NIBAN2: variants seen among roughly 807,000 people sequenced by gnomAD.
NIBAN2 encodes the protein protein Niban 2.
A neutral mutation model predicts 81.8 loss-of-function variants in NIBAN2; 36 were observed. That is an observed-to-expected ratio of 0.44 (90% confidence interval 0.34 to 0.58). The LOEUF (loss-of-function observed/expected upper bound fraction) is 0.58, where lower values mean the gene tolerates loss of function less well. NIBAN2 is among the 20% of genes least tolerant of loss of function. The pLI is 0.02. For missense variants in NIBAN2, 897 were observed against 1,014.1 expected, an observed-to-expected ratio of 0.88 and a Z score of 1.57; for synonymous variants, 445 against 441.6, an observed-to-expected ratio of 1.01 and a Z score of -0.10.
Position 127,506,802 on chromosome 9 carries a change from G to A in NIBAN2, c.*43C>T, listed in dbSNP as rs763989330. ...GAGCTGAGCCTGCCTGGGTCCGGAA[G>A]GGAACGGCCTGTGCCATGTGCAGCA... On this transcript the variant is annotated 3_prime_UTR_variant, in exon 14 of 14. Transcript: ENST00000373312. The A allele has an allele frequency of 2.3e-5, 35 of 1,522,620 alleles. No homozygotes were observed. The highest frequency in any genetic ancestry group is 2.9e-5 in the Non-Finnish European group (33 of 1,126,252). The allele number at this position is 1,522,620 out of a possible 1,614,324, so 94.3% of individuals were successfully genotyped here. A position where few individuals can be genotyped will look rare whatever the true frequency, so the allele number is the denominator to read the frequency against.
At chr9:127,566,234 C>T (rs1174533160) in intron 1 of NIBAN2, among the ~76,000 whole-genome samples, 1 of 152,222 alleles carries the variant, frequency 6.6e-6, no homozygotes, top group East Asian at 1.9e-4. Context: ...GATTGTTAGG[C>T]CCTCAGAGCT....
rs867930561 is a variant in NIBAN2 at position 127,569,001 on chromosome 9, T to C, written c.-127A>G. 7 of 400,426 alleles carry C rather than the reference T, an allele frequency of 1.7e-5. No homozygotes were observed. The East Asian group carries it at 7.8e-4, about 45-fold the overall frequency. 24.8% of individuals were successfully genotyped at this position (400,426 alleles called of 1,614,324 possible). Reference sequence around the variant, plus strand: ...CCCCCGCTCCCGCCGCTCCCGCCGCTCCCGCCGCCCGGCTGCGGCTTCCGC... The same window carrying C: ...CCCCCGCTCCCGCCGCTCCCGCCGCCCCCGCCGCCCGGCTGCGGCTTCCGC... On this transcript the variant is annotated 5_prime_UTR_variant, in exon 1 of 14. Coordinates refer to ENST00000373312, the MANE Select transcript of NIBAN2 (RefSeq NM_022833.4).
chr9:127,568,273 C>A (rs1347752127), intron 1 of NIBAN2, among the ~76,000 whole-genome samples: 1 of 152,200 alleles, frequency 6.6e-6, no homozygotes, highest in Non-Finnish European at 1.5e-5. Context: ...GCCTCCGGGG[C>A]GCCCCATCGA....
intron 8 of NIBAN2, among the ~76,000 whole-genome samples, chr9:127,515,552 A>ACC (rs1836814472): frequency 9.2e-6 from 1 of 108,642 alleles, no homozygotes; most frequent in African/African-American, 3.4e-5. Flanking sequence ...AACAAAAAAA[A>ACC]CAGGCCAGGC....
intron 1 of NIBAN2, among the ~76,000 whole-genome samples, chr9:127,567,823 T>C (rs2132242097): frequency 6.6e-6 from 1 of 152,210 alleles, no homozygotes; most frequent in Middle Eastern, 3.4e-3. Context: ...CACGTAAGCC[T>C]CCCAACAACT....
At chr9:127,576,627 A>C (rs769929579) in intron 1 of NIBAN2, among the ~76,000 whole-genome samples, 36 of 152,044 alleles carry the variant, frequency 2.4e-4, no homozygotes, top group Non-Finnish European at 4.9e-4. Flanking sequence ...AGAGATGAGG[A>C]TGAGATCAGG....
chr9:127,521,578 G>C (rs111711712), intron 5 of NIBAN2, among the ~76,000 whole-genome samples: 21 of 150,628 alleles, frequency 1.4e-4, no homozygotes, highest in African/African-American at 4.6e-4. Flanking sequence ...AGCCCCCGGA[G>C]TGAGCAATTC....
At chr9:127,549,286 C>T (rs1837529259) in intron 1 of NIBAN2, among the ~76,000 whole-genome samples, 1 of 152,184 alleles carries the variant, frequency 6.6e-6, no homozygotes, top group East Asian at 1.9e-4. Flanking sequence ...TGCCTCGTGA[C>T]CCCTGCTCAC....
intron 2 of NIBAN2, among the ~76,000 whole-genome samples, chr9:127,529,495 C>T (rs921635682): frequency 3.9e-5 from 6 of 152,056 alleles, no homozygotes; most frequent in Non-Finnish European, 8.8e-5. Context: ...AAAAAATTAG[C>T]GGGGTGTGGT....
At chr9:127,569,209 C>T, upstream of NIBAN2, 1 of 520,172 alleles carries the variant, frequency 1.9e-6, no homozygotes. Flanking sequence ...CCGCCCCGCC[C>T]CGCCCTCGGT....
intron 3 of NIBAN2, among the ~76,000 whole-genome samples, chr9:127,526,149 C>T (rs1013310938): frequency 6.6e-6 from 1 of 151,996 alleles, no homozygotes; most frequent in Non-Finnish European, 1.5e-5. Flanking sequence ...CGCCTGTAAT[C>T]GCAGCACTTT....
chr9:127,574,117 G>C (rs977253883), intron 1 of NIBAN2, among the ~76,000 whole-genome samples: 1 of 152,220 alleles, frequency 6.6e-6, no homozygotes, highest in South Asian at 2.1e-4. Flanking sequence ...TCTGGACGCT[G>C]TCTCTATTCA....
chr9:127,517,246 G>C lies in NIBAN2; in HGVS notation c.706-30C>G. On this transcript the variant is annotated intron_variant, in intron 6 of 13. Transcript: ENST00000373312. The surrounding 1 kb of genome is among the most constrained non-coding windows in gnomAD (Gnocchi z 4.0). Reference sequence around the variant, plus strand: ...GTTGAGGAGGCACAAGCCAGGCCAGGGGCTGGAGAGCGCTCAGCTGGCCTG... The same window carrying C: ...GTTGAGGAGGCACAAGCCAGGCCAGCGGCTGGAGAGCGCTCAGCTGGCCTG... The C allele has an allele frequency of 6.3e-7, 1 of 1,591,470 alleles. No individual in the cohort carries two copies. Among genetic ancestry groups the C allele is most frequent in the East Asian group, 2.2e-5 (1 of 44,676 alleles).
Position 127,508,569 on chromosome 9 carries a change from C to T in NIBAN2, c.1318-31G>A. 6.4e-7 allele frequency: 1 copy of T among 1,568,006 alleles called. No individual in the cohort carries two copies. Among genetic ancestry groups the T allele is most frequent in the South Asian group, 1.1e-5 (1 of 90,194 alleles). On this transcript the variant is annotated intron_variant, in intron 10 of 13. Coordinates refer to ENST00000373312, the MANE Select transcript of NIBAN2 (RefSeq NM_022833.4). The surrounding 1 kb of genome is among the most constrained non-coding windows in gnomAD (Gnocchi z 6.4). ...GGGCATACCGCGGACATGTGAAGCC[C>T]CCAGGGTGACCACAGCCCCTTCCTG...
At chr9:127,515,947 G>A (rs1836821819) in intron 8 of NIBAN2, among the ~76,000 whole-genome samples, 1 of 152,078 alleles carries the variant, frequency 6.6e-6, no homozygotes, top group Non-Finnish European at 1.5e-5. Context: ...AGACCAGCCT[G>A]GGCAACATGG....
In NIBAN2 at chr9:127,545,583, TG is replaced by T. The variant is rs1266974523; in HGVS notation, c.56-13806del. ...AGGCCCAACAGAGCCAGGAGTCAGC[TG>T]GGGTTTTTCACAAGGCTGCCTTGAA... On this transcript the variant is annotated intron_variant, in intron 1 of 13. Coordinates refer to ENST00000373312, the MANE Select transcript of NIBAN2 (RefSeq NM_022833.4). The surrounding 1 kb of genome is among the most constrained non-coding windows in gnomAD (Gnocchi z 4.7). 6.6e-6 allele frequency among the ~76,000 whole-genome samples: 1 copy of T among 151,750 alleles called. No individual in the cohort carries two copies. Among genetic ancestry groups the T allele is most frequent in the Non-Finnish European group, 1.5e-5 (1 of 67,944 alleles).
Position 127,509,928 on chromosome 9 carries a change from G to T in NIBAN2, c.1161+218C>A, listed in dbSNP as rs531214740. 1.2e-4 allele frequency: 42 copies of T among 355,888 alleles called. No homozygotes were observed. In the South Asian group the frequency reaches 2.7e-3, roughly 23 times the overall value. 22.0% of individuals were successfully genotyped at this position (355,888 alleles called of 1,614,324 possible). On this transcript the variant is annotated intron_variant, in intron 9 of 13. Coordinates refer to ENST00000373312, the MANE Select transcript of NIBAN2 (RefSeq NM_022833.4). ...TCTTGGTTTCTAAAGGCTGGTGGCC[G>T]GGAGCTAATGTTCCCTCTTTCCTCA...
At position 127,507,286 on chromosome 9, in the gene NIBAN2, G is replaced by A. The variant is rs1836624486; in HGVS notation, c.1800C>T (p.Gly600=). 6.3e-7 allele frequency: 1 copy of A among 1,579,590 alleles called. No homozygotes were observed. The change falls in exon 14 of 14, where the codon GGC becomes GGT. Residue 600 remains glycine (G), a synonymous_variant. Transcript: ENST00000373312. The surrounding 1 kb of genome is among the most constrained non-coding windows in gnomAD (Gnocchi z 6.8). ...ACTCCGGGGTGCTGGGGCTGGGGCT[G>A]CCGCCCCCGCCGCTGTTGCTGTACT... ...GEEYSNSGGG[G]SPSPSTPESA... is the part of the protein sequence containing the mutation.
In NIBAN2 at chr9:127,529,966, C is replaced by T. The variant is rs565689337; in HGVS notation, c.186+1682G>A. 3.9e-5 allele frequency among the ~76,000 whole-genome samples: 6 copies of T among 152,330 alleles called. No individual in the cohort carries two copies. The East Asian group carries it at 9.6e-4, about 24-fold the overall frequency. ...AAATAAATATGCACTCCTGCCTCCC[C>T]AGACTTAAATGAGGCCTCACGCAGA... On this transcript the variant is annotated intron_variant, in intron 2 of 13. Transcript: ENST00000373312.
Sources: allele counts gnomAD v4.1 joint callset (sites outside exome capture counted in the v4.1 genomes callset), GRCh38; gene constraint gnomAD v4.1.1; non-coding constraint Gnocchi (gnomAD v3.1); transcripts MANE v1.5; gene names NCBI Gene and HGNC (gene_info 2026-07-23, HGNC 2026-07-21).